SLC39A12: variants seen among roughly 807,000 people sequenced by gnomAD.
SLC39A12 encodes zinc transporter ZIP12.
In SLC39A12, 63 loss-of-function variants were observed where a neutral mutation model predicts 71.1. The ratio of observed to expected loss-of-function variants is 0.89; its 90% CI spans 0.72 to 1.09. The LOEUF is 1.09. Among genes scored for constraint, SLC39A12 ranks in the 50% least tolerant of loss-of-function variants. The probability of loss-of-function intolerance (pLI) is 0.00; values close to 1 mark genes in which losing one functional copy is unlikely to be tolerated. For missense variants in SLC39A12, 892 were observed against 812.6 expected (o/e 1.10, Z -1.19); for synonymous variants, 351 against 301.3 (o/e 1.16, Z -1.71).
intron 12 of SLC39A12, among the ~76,000 whole-genome samples, chr10:18,011,078 CCCTT>C (rs968266172): frequency 2.8e-4 from 43 of 151,872 alleles, no homozygotes; most frequent in African/African-American, 8.9e-4. Context: ...GGTATTTCCT[CCCTT>C]CCTTCCTTCC....
Position 18,000,840 on chromosome 10 carries a change from G to C in SLC39A12, c.1759+15G>C, listed in dbSNP as rs1211943660. 1.9e-6 allele frequency: 3 copies of C among 1,610,370 alleles called. No individual in the cohort carries two copies. The East Asian group carries it at 6.7e-5, about 36-fold the overall frequency. On this transcript the variant is annotated intron_variant, in intron 11 of 12. Transcript: ENST00000377369. ...ACATGAAATGGGTAAGTTCAACAATGGAATTACTGTTTCTGGCCTGTTGAG... is the reference window on the plus strand; with the variant it reads ...ACATGAAATGGGTAAGTTCAACAATCGAATTACTGTTTCTGGCCTGTTGAG...
intron 10 of SLC39A12, among the ~76,000 whole-genome samples, chr10:17,997,870 A>G (rs955589599): frequency 6.6e-6 from 1 of 152,238 alleles, no homozygotes; most frequent in Non-Finnish European, 1.5e-5. Flanking sequence ...TTACCATGGA[A>G]AACCTCTGAT....
chr10:17,975,871 G>A (rs74118068), intron 4 of SLC39A12, among the ~76,000 whole-genome samples: 2 of 152,150 alleles, frequency 1.3e-5, no homozygotes, highest in Non-Finnish European at 2.9e-5. Flanking sequence ...GTTCCCCTCT[G>A]GCTAGGGCTG....
chr10:17,981,374 TAAG>T lies in SLC39A12; in HGVS notation c.988_990del (p.Lys330del). On this transcript the variant is annotated inframe_deletion, in exon 6 of 13. Coordinates refer to ENST00000377369, the MANE Select transcript of SLC39A12 (RefSeq NM_001145195.2). ...TACAGAAGGGCCTCTCACTCATTTCTAAGGAGGACTTTAAGCAAATGAGTCCAG... is the reference window on the plus strand; with the variant it reads ...TACAGAAGGGCCTCTCACTCATTTCTGAGGACTTTAAGCAAATGAGTCCAG... 1 of 1,613,868 alleles carries T rather than the reference TAAG, an allele frequency of 6.2e-7. No homozygotes were observed. The highest frequency in any genetic ancestry group is 8.5e-7 in the Non-Finnish European group (1 of 1,179,842).
chr10:18,033,404 TC>T (rs201515103), intron 12 of SLC39A12, among the ~76,000 whole-genome samples: 13,309 of 149,724 alleles, frequency 0.089, 916 homozygotes, highest in African/African-American at 0.19. Context: ...GAGGAATTTA[TC>T]CATTTCTTCT....
At chr10:18,029,267 G>C (rs566223232) in intron 12 of SLC39A12, among the ~76,000 whole-genome samples, 1 of 152,236 alleles carries the variant, frequency 6.6e-6, no homozygotes, top group South Asian at 2.1e-4. Context: ...CAGAACTTGC[G>C]AGGACCATTC....
intron 9 of SLC39A12, 72 bp from the exon 10 acceptor site, chr10:17,995,584 C>A: frequency 7.2e-7 from 1 of 1,387,254 alleles, no homozygotes; most frequent in Admixed American, 1.8e-5. Flanking sequence ...TGTAACTCTC[C>A]AGATGTTTCA....
At chr10:17,954,718 G>A (rs1165112915) in intron 2 of SLC39A12, among the ~76,000 whole-genome samples, 34 of 151,580 alleles carry the variant, frequency 2.2e-4, no homozygotes, top group Admixed American at 1.1e-3. Flanking sequence ...TTTTTAGGAC[G>A]AACCCATAAA....
intron 12 of SLC39A12, among the ~76,000 whole-genome samples, chr10:18,006,819 C>T (rs994772677): frequency 1.3e-5 from 2 of 152,132 alleles, no homozygotes; most frequent in Non-Finnish European, 2.9e-5. Context: ...GAAAGGGGCT[C>T]AAGCCATCAC....
intron 12 of SLC39A12, among the ~76,000 whole-genome samples, chr10:18,014,902 A>T (rs1836332754): frequency 6.6e-6 from 1 of 152,178 alleles, no homozygotes; most frequent in Non-Finnish European, 1.5e-5. Context: ...CAACCTATGT[A>T]TGGTTTCATG....
At chr10:17,966,061 A>G (rs1834818450) in intron 4 of SLC39A12, among the ~76,000 whole-genome samples, 1 of 152,242 alleles carries the variant, frequency 6.6e-6, no homozygotes, top group East Asian at 1.9e-4. Context: ...TAAATTGTGC[A>G]AGACATTTGG....
chr10:18,003,315 C>T lies in SLC39A12; in HGVS notation c.1904C>T (p.Thr635Ile). 1 of 1,613,952 alleles carries T rather than the reference C, an allele frequency of 6.2e-7. No individual in the cohort carries two copies. ...ADPCVQDWIF[T>I]VTAGMFLYLS... is the part of the protein sequence containing the mutation. ...CCATGTGTTCAAGACTGGATCTTCA[C>T]AGTCACTGCTGGGATGTTCTTATAT... The change falls in exon 12 of 13, where the codon ACA (threonine) becomes ATA (isoleucine). Residue 635 changes from threonine (T) to isoleucine (I), a missense_variant. Coordinates refer to ENST00000377369, the MANE Select transcript of SLC39A12 (RefSeq NM_001145195.2).
chr10:18,016,949 A>G (rs1009662541), intron 12 of SLC39A12, among the ~76,000 whole-genome samples: 9 of 151,908 alleles, frequency 5.9e-5, no homozygotes, highest in African/African-American at 2.2e-4. Flanking sequence ...CCTTTATCAG[A>G]TGTTTTGCAC....
rs145198122 is a variant in SLC39A12 at position 17,987,547 on chromosome 10, C to A, written c.1165C>A (p.Leu389Ile). 3.4e-5 allele frequency: 55 copies of A among 1,614,088 alleles called. No individual in the cohort carries two copies. The highest frequency in any genetic ancestry group is 1.7e-4 in the African/African-American group (13 of 75,034). Residue 389 changes from leucine to isoleucine, a missense_variant, in exon 7 of 13, where the codon CTT becomes ATT. By Grantham distance (5) the Leu-to-Ile change is conservative. Transcript: ENST00000377369. The stretch of plus-strand genomic sequence containing the variant: ...CTCCATGCTGGGGACAGCGCTGGTC[C>A]TTTTCCATAGCTGTGAGGAGAACTA... ...LGSMLGTALV[L>I]FHSCEENYRL...
At chr10:18,041,192 C>A (rs955295683) in intron 12 of SLC39A12, among the ~76,000 whole-genome samples, 1 of 152,114 alleles carries the variant, frequency 6.6e-6, no homozygotes, top group African/African-American at 2.4e-5. Flanking sequence ...TGGGGCACTT[C>A]ACACAGATGC....
chr10:18,007,646 T>C (rs1222044605), intron 12 of SLC39A12, among the ~76,000 whole-genome samples: 1 of 152,238 alleles, frequency 6.6e-6, no homozygotes, highest in Non-Finnish European at 1.5e-5. Flanking sequence ...CATGATATGC[T>C]AAACAAGGGT....
chr10:18,011,095 C>G (rs936536789), intron 12 of SLC39A12, among the ~76,000 whole-genome samples: 1 of 151,982 alleles, frequency 6.6e-6, no homozygotes, highest in African/African-American at 2.4e-5. Flanking sequence ...TTCCTTCCTT[C>G]CTTTCTTTTT....
chr10:18,001,264 C>T (rs2130843214), intron 11 of SLC39A12, among the ~76,000 whole-genome samples: 1 of 152,294 alleles, frequency 6.6e-6, no homozygotes, highest in East Asian at 1.9e-4. Flanking sequence ...CCTGTAATCC[C>T]AGCACTTTGG....
chr10:18,005,708 T>C (rs979611122), intron 12 of SLC39A12: 4 of 152,262 alleles, frequency 2.6e-5, no homozygotes, highest in Non-Finnish European at 4.4e-5. Context: ...TCAATGTTCC[T>C]GCTCCTTTTC....
Sources: gnomAD v4.1 joint callset for allele counts (sites outside exome capture counted in the v4.1 genomes callset) on GRCh38, gnomAD v4.1.1 for gene constraint, MANE v1.5 for transcripts, NCBI Gene and HGNC (gene_info 2026-07-23, HGNC 2026-07-21) for gene names.